LOXL2: variants seen among roughly 807,000 people sequenced by gnomAD.
The protein encoded by LOXL2 is lysyl oxidase homolog 2.
LOXL2 carries 70 observed loss-of-function variants against 93.0 expected under a neutral mutation model. That is an observed-to-expected ratio of 0.75 (90% confidence interval 0.62 to 0.92). The LOEUF (loss-of-function observed/expected upper bound fraction) is 0.92, where lower values mean the gene tolerates loss of function less well. LOXL2 is among the 40% of genes least tolerant of loss of function. LOXL2 has a pLI of 0.00. For missense variants in LOXL2, 973 were observed against 1,054.9 expected (o/e 0.92, Z 1.08); for synonymous variants, 438 against 413.2 (o/e 1.06, Z -0.73).
chr8:23,381,447 T>C (rs560422102), intron 1 of LOXL2, among the ~76,000 whole-genome samples: 1 of 152,340 alleles, frequency 6.6e-6, no homozygotes, highest in Admixed American at 6.5e-5. Context: ...ACCAGCAGTA[T>C]GTAGGTTTCC....
At chr8:23,397,685 G>A (rs1342652350) in intron 1 of LOXL2, among the ~76,000 whole-genome samples, 2 of 151,758 alleles carry the variant, frequency 1.3e-5, no homozygotes, top group Non-Finnish European at 2.9e-5. Context: ...GGCTGAGGCA[G>A]GAGAATGGCG....
At chr8:23,327,476 G>A (rs6984693) in intron 6 of LOXL2, among the ~76,000 whole-genome samples, 2 of 152,042 alleles carry the variant, frequency 1.3e-5, no homozygotes, top group East Asian at 1.9e-4. Context: ...CCACCCCACC[G>A]CTTGTCTGTA....
rs1262746467 is a variant in LOXL2 at position 23,374,933 on chromosome 8, GA to G, written c.-83-6500del. Among the ~76,000 whole-genome samples the G allele has an allele frequency of 7.2e-5, 11 of 152,296 alleles. No homozygotes were observed. The South Asian group carries it at 1.9e-3, about 26-fold the overall frequency. ...TGATGGTAGTTTCTTTTGCTGTGCA[GA>G]AGCTCTTTAGTTTAATTAGATCCCA... is the stretch of plus-strand genomic sequence containing the variant. On this transcript the variant is annotated intron_variant, in intron 1 of 13. Coordinates refer to ENST00000389131, the MANE Select transcript of LOXL2 (RefSeq NM_002318.3).
rs2117173102 is a variant in LOXL2 at position 23,333,529 on chromosome 8, GGGGGCC to G, written c.832_837del (p.Gly278_Pro279del). On this transcript the variant is annotated inframe_deletion, in exon 5 of 14. Coordinates refer to ENST00000389131, the MANE Select transcript of LOXL2 (RefSeq NM_002318.3). ...TTCTTCATGGGGTCCAGTGACACCT[GGGGGCC>G]CAGCTTGCAGCTGGAGATGTGGGCC... 1 of 1,613,972 alleles carries G rather than the reference GGGGGCC, an allele frequency of 6.2e-7. No homozygotes were observed. The highest frequency in any genetic ancestry group is 2.2e-5 in the East Asian group (1 of 44,894).
intron 3 of LOXL2, among the ~76,000 whole-genome samples, chr8:23,341,733 C>G (rs1803885880): frequency 6.6e-6 from 1 of 152,230 alleles, no homozygotes; most frequent in Non-Finnish European, 1.5e-5. Context: ...CAGACTACCT[C>G]ATACCCCAGG....
intron 7 of LOXL2, among the ~76,000 whole-genome samples, chr8:23,320,467 C>G (rs1387539596): frequency 6.6e-6 from 1 of 152,214 alleles, no homozygotes; most frequent in Non-Finnish European, 1.5e-5. Flanking sequence ...CATCTTGTCC[C>G]ATGGCTCTCC....
intron 1 of LOXL2, chr8:23,386,072 G>C (rs754210955): frequency 2.6e-6 from 2 of 764,628 alleles, no homozygotes; most frequent in Non-Finnish European, 4.8e-6. Context: ...AGACAGAAAG[G>C]CTACATGATT....
intron 1 of LOXL2, among the ~76,000 whole-genome samples, chr8:23,381,173 T>C (rs1038682304): frequency 6.6e-6 from 1 of 151,724 alleles, no homozygotes; most frequent in Non-Finnish European, 1.5e-5. Context: ...GCTTTTCACA[T>C]TGAACAGCAT....
chr8:23,325,226 G>T (rs1803560084), intron 6 of LOXL2, among the ~76,000 whole-genome samples: 1 of 152,162 alleles, frequency 6.6e-6, no homozygotes, highest in Non-Finnish European at 1.5e-5. Flanking sequence ...CATTATTAAA[G>T]CTAACGTCAT....
intron 3 of LOXL2, among the ~76,000 whole-genome samples, chr8:23,353,691 C>T (rs2117197477): frequency 6.6e-6 from 1 of 152,336 alleles, no homozygotes; most frequent in Admixed American, 6.5e-5. Context: ...AGGACTAACC[C>T]AGGGCAGCAC....
intron 6 of LOXL2, among the ~76,000 whole-genome samples, chr8:23,325,821 C>T (rs560865191): frequency 3.9e-5 from 6 of 152,290 alleles, no homozygotes; most frequent in South Asian, 2.1e-4. Context: ...GTTGGGGTCC[C>T]GATGCGGGCA....
intron 10 of LOXL2, among the ~76,000 whole-genome samples, chr8:23,308,253 C>T (rs1585342864): frequency 6.6e-6 from 1 of 152,208 alleles, no homozygotes; most frequent in Admixed American, 6.5e-5. Flanking sequence ...AACGGCTTCT[C>T]ACACTGCAGT....
chr8:23,301,054 G>A (rs1270914098), intron 12 of LOXL2, among the ~76,000 whole-genome samples: 1 of 152,248 alleles, frequency 6.6e-6, no homozygotes, highest in Admixed American at 6.5e-5. Context: ...TGACTTCTCT[G>A]AAGGTGTTGT....
At chr8:23,395,317 C>CAAAAAAAAAAAAAAAAAAAAAAAAAA (rs111889384) in intron 1 of LOXL2, among the ~76,000 whole-genome samples, 1 of 82,056 alleles carries the variant, frequency 1.2e-5, no homozygotes, top group Non-Finnish European at 2.5e-5. Flanking sequence ...AAAGCCAGAC[C>CAAAAAAAAAAAAAAAAAAAAAAAAAA]AAAAAAAAAA....
At chr8:23,354,600 GTGTGTGTTCTCACACACA>G (rs1019461195) in intron 3 of LOXL2, among the ~76,000 whole-genome samples, 3 of 152,060 alleles carry the variant, frequency 2.0e-5, no homozygotes, top group Non-Finnish European at 4.4e-5. Flanking sequence ...GTGTGTGTGT[GTGTGTGTTCTCACACACA>G]TGTGATGCCA....
At chr8:23,320,149 G>T in intron 7 of LOXL2, 97 bp from the exon 8 acceptor site, 1 of 1,315,316 alleles carries the variant, frequency 7.6e-7, no homozygotes, top group Non-Finnish European at 1.1e-6. Context: ...CCTAAGCCAG[G>T]TGGTGCTGCC....
intron 1 of LOXL2, among the ~76,000 whole-genome samples, chr8:23,375,128 T>C (rs1245120431): frequency 4.6e-5 from 7 of 152,112 alleles, no homozygotes; most frequent in African/African-American, 1.7e-4. Flanking sequence ...TTGTATAAGG[T>C]GTAACGAAGG....
At chr8:23,396,578 T>C (rs964231183) in intron 1 of LOXL2, among the ~76,000 whole-genome samples, 8 of 152,294 alleles carry the variant, frequency 5.3e-5, no homozygotes, top group South Asian at 2.1e-4. Flanking sequence ...TCTCAACAGG[T>C]TGTACTCCCA....
Position 23,328,317 on chromosome 8 carries a change from C to G in LOXL2, c.1150+65G>C, listed in dbSNP as rs1025269806. On this transcript the variant is annotated intron_variant, in intron 6 of 13. Transcript: ENST00000389131. ...TTCCCGAGAGCTCACGGCCAGCAGCCAGGCTGGGCTCACGGCACCATGCTC... is the reference window on the plus strand; with the variant it reads ...TTCCCGAGAGCTCACGGCCAGCAGCGAGGCTGGGCTCACGGCACCATGCTC... 10 of 1,557,604 alleles carry G rather than the reference C, an allele frequency of 6.4e-6. No individual in the cohort carries two copies. In the African/African-American group the frequency reaches 1.4e-4, roughly 21 times the overall value.
Sources: gnomAD v4.1 joint callset for allele counts (sites outside exome capture counted in the v4.1 genomes callset) on GRCh38, gnomAD v4.1.1 for gene constraint, MANE v1.5 for transcripts, NCBI Gene and HGNC (gene_info 2026-07-23, HGNC 2026-07-21) for gene names.